Variants in CECR2 observed in about 807,000 individuals in gnomAD.
CECR2 encodes the protein CECR2 histone acetyl-lysine reader, also known as chromatin remodeling regulator CECR2.
Under a neutral mutation model 154.5 loss-of-function variants are expected in CECR2, and 30 were observed. The observed-to-expected ratio is 0.19, with a 90% CI of 0.15 to 0.26. The LOEUF is 0.26. Among genes scored for constraint, CECR2 ranks in the 10% least tolerant of loss-of-function variants. The pLI is 1.00. For synonymous variants in CECR2, 725 were observed against 683.7 expected (o/e 1.06, Z -0.94); for missense variants, 1,743 against 1,829.3 (o/e 0.95, Z 0.86).
chr22:17,409,765 C>CTTCTCTA lies in CECR2; in HGVS notation c.126+39858_126+39864dup, dbSNP rs1454454644. On this transcript the variant is annotated intron_variant, in intron 1 of 18. Coordinates refer to ENST00000262608, the MANE Select transcript of CECR2 (RefSeq NM_001290047.2). Reference sequence around the variant, plus strand: ...ATGTGAGTTATATCAGAGCAGGGATCTTCTCTATCCTATGCATTCTTGTAT... The same window carrying CTTCTCTA: ...ATGTGAGTTATATCAGAGCAGGGATCTTCTCTATTCTCTATCCTATGCATTCTTGTAT... Among the ~76,000 whole-genome samples, 190 of 111,126 alleles carry CTTCTCTA rather than the reference C, an allele frequency of 1.7e-3. 40 individuals are homozygous for CTTCTCTA. Among genetic ancestry groups the CTTCTCTA allele is most frequent in the African/African-American group, 5.4e-3 (179 of 33,450 alleles). 72.9% of individuals were successfully genotyped at this position (111,126 alleles called of 152,430 possible). A position where few individuals can be genotyped will look rare whatever the true frequency, so the allele number is the denominator to read the frequency against.
upstream of CECR2, chr22:17,369,459 C>T (rs1251797310): frequency 1.5e-4 from 22 of 150,996 alleles, no homozygotes; most frequent in African/African-American, 4.6e-4. Context: ...CCCCTAGCCC[C>T]ATCTGTTTCT....
intron 1 of CECR2, among the ~76,000 whole-genome samples, chr22:17,429,450 C>T (rs1223754917): frequency 6.6e-6 from 1 of 150,954 alleles, no homozygotes; most frequent in Non-Finnish European, 1.5e-5. Context: ...ACCTGTAATC[C>T]CAGCACTTTG....
At chr22:17,489,472 T>A (rs1438634176) in intron 2 of CECR2, among the ~76,000 whole-genome samples, 4 of 152,058 alleles carry the variant, frequency 2.6e-5, no homozygotes, top group Non-Finnish European at 5.9e-5. Context: ...TTGACTTTTT[T>A]GAGACAGGGT....
At chr22:17,449,586 T>C (rs2054734978) in intron 1 of CECR2, among the ~76,000 whole-genome samples, 1 of 144,042 alleles carries the variant, frequency 6.9e-6, no homozygotes, top group Non-Finnish European at 1.5e-5. Context: ...GCCTCCCAGG[T>C]TCACGCCATT....
At chr22:17,413,761 C>T (rs1462409110) in intron 1 of CECR2, among the ~76,000 whole-genome samples, 1 of 151,754 alleles carries the variant, frequency 6.6e-6, no homozygotes, top group Non-Finnish European at 1.5e-5. Context: ...ACTGCAAGCT[C>T]CGCCTCCCAT....
chr22:17,438,368 T>C (rs548773914), intron 1 of CECR2, among the ~76,000 whole-genome samples: 13 of 152,352 alleles, frequency 8.5e-5, no homozygotes, highest in African/African-American at 3.1e-4. Flanking sequence ...TGAAAATATT[T>C]AATCACTTTG....
intron 1 of CECR2, among the ~76,000 whole-genome samples, chr22:17,378,189 T>C (rs992106462): frequency 5.9e-5 from 9 of 151,356 alleles, no homozygotes; most frequent in Admixed American, 5.3e-4. Context: ...TTCACCGTGT[T>C]AGCCAGGATG....
At chr22:17,496,537 A>T (rs912363985) in intron 2 of CECR2, among the ~76,000 whole-genome samples, 11 of 152,054 alleles carry the variant, frequency 7.2e-5, no homozygotes, top group African/African-American at 2.7e-4. Context: ...AAAGAAAAAA[A>T]ATTTAGAATG....
intron 5 of CECR2, among the ~76,000 whole-genome samples, chr22:17,501,702 G>A (rs945502466): frequency 6.6e-6 from 1 of 152,106 alleles, no homozygotes; most frequent in Non-Finnish European, 1.5e-5. Flanking sequence ...ATTACTTAAC[G>A]TTTTATGTAT....
chr22:17,443,110 C>G (rs2054608962), intron 1 of CECR2, among the ~76,000 whole-genome samples: 1 of 152,154 alleles, frequency 6.6e-6, no homozygotes, highest in African/African-American at 2.4e-5. Flanking sequence ...TTCTGAGCGT[C>G]TCTTCCTGCC....
chr22:17,473,206 C>T (rs971273869), intron 1 of CECR2, among the ~76,000 whole-genome samples: 2 of 152,170 alleles, frequency 1.3e-5, no homozygotes, highest in Non-Finnish European at 2.9e-5. Context: ...CTGCCCTATG[C>T]TGATTAGCTG....
At chr22:17,505,317 C>G (rs1237120013) in intron 7 of CECR2, among the ~76,000 whole-genome samples, 1 of 151,776 alleles carries the variant, frequency 6.6e-6, no homozygotes, top group Non-Finnish European at 1.5e-5. Context: ...AGGAAACATT[C>G]CTTGAGTCCC....
intron 8 of CECR2, among the ~76,000 whole-genome samples, chr22:17,523,539 G>A (rs1000714467): frequency 6.6e-6 from 1 of 151,782 alleles, no homozygotes; most frequent in Admixed American, 6.6e-5. Flanking sequence ...GGTGGATCAC[G>A]TGGTCAGGAG....
At position 17,467,370 on chromosome 22, in the gene CECR2, AC is replaced by A. The variant is rs112872803; in HGVS notation, c.127-10215del. 4.2e-3 allele frequency among the ~76,000 whole-genome samples: 634 copies of A among 152,134 alleles called. 5 individuals carry two copies. The highest frequency in any genetic ancestry group is 0.014 in the African/African-American group (582 of 41,496). ...GGAACGTATCTGTAGATGCCATGAA[AC>A]CCTTAGGACAGGACTTGGGTGAGCA... On this transcript the variant is annotated intron_variant, in intron 1 of 18. Transcript: ENST00000262608.
chr22:17,425,166 G>A (rs1367871834), intron 1 of CECR2, among the ~76,000 whole-genome samples: 1 of 152,050 alleles, frequency 6.6e-6, no homozygotes, highest in Non-Finnish European at 1.5e-5. Context: ...AAAGATGAAT[G>A]TGGTTGCTTC....
upstream of CECR2, among the ~76,000 whole-genome samples, chr22:17,368,042 G>A (rs117399934): frequency 4.2e-3 from 633 of 152,268 alleles, 7 homozygotes; most frequent in Middle Eastern, 0.01. Context: ...GGGGGCGGAG[G>A]AGACCCTTGT....
At chr22:17,398,002 G>GTACT (rs1355281052) in intron 1 of CECR2, among the ~76,000 whole-genome samples, 1 of 152,086 alleles carries the variant, frequency 6.6e-6, no homozygotes, top group Non-Finnish European at 1.5e-5. Flanking sequence ...GTCGGCCTCT[G>GTACT]TACTCTTAGC....
At chr22:17,377,975 CGTTTT>C (rs978946812) in intron 1 of CECR2, among the ~76,000 whole-genome samples, 8 of 151,954 alleles carry the variant, frequency 5.3e-5, no homozygotes, top group East Asian at 1.9e-4. Context: ...ATGTTATATG[CGTTTT>C]GTTTTGTTTT....
At chr22:17,416,409 ATCC>A (rs2054157065) in intron 1 of CECR2, among the ~76,000 whole-genome samples, 1 of 152,098 alleles carries the variant, frequency 6.6e-6, no homozygotes, top group Non-Finnish European at 1.5e-5. Context: ...GACAAATTGC[ATCC>A]TCCTCATTAA....
Sources: allele counts gnomAD v4.1 joint callset (sites outside exome capture counted in the v4.1 genomes callset), GRCh38; gene constraint gnomAD v4.1.1; transcripts MANE v1.5; gene names NCBI Gene and HGNC (gene_info 2026-07-23, HGNC 2026-07-21).